Variants in LINGO2 observed in about 807,000 individuals in gnomAD.
The protein encoded by LINGO2 is leucine rich repeat and Ig domain containing 2.
LINGO2 carries 14 observed loss-of-function variants against 30.6 expected under a neutral mutation model. That is an observed-to-expected ratio of 0.46 (90% CI 0.30 to 0.72). The LOEUF (loss-of-function observed/expected upper bound fraction) is 0.72. Among genes scored for constraint, LINGO2 ranks in the 30% least tolerant of loss-of-function variants. The probability of loss-of-function intolerance (pLI) is 0.07; values close to 1 mark genes in which losing one functional copy is unlikely to be tolerated. For synonymous variants in LINGO2, 317 were observed against 288.5 expected (o/e 1.10, Z -1.00); for missense variants, 729 against 751.7 (o/e 0.97, Z 0.35).
At chr9:27,949,844 A>C in exon 6 of LINGO2, 1 of 1,614,114 alleles carries the variant, frequency 6.2e-7, no homozygotes, top group Non-Finnish European at 8.5e-7. Context: ...GGTTAAGGTG[A>C]GTCAGGTATA....
the LINGO2 span, among the ~76,000 whole-genome samples, chr9:28,774,181 A>G: frequency 6.6e-6 from 1 of 152,140 alleles, no homozygotes; most frequent in African/African-American, 2.4e-5. Flanking sequence ...TCAATAATAG[A>G]GCATGAGCTG....
At chr9:27,999,245 G>C (rs147968514) in intron 5 of LINGO2, among the ~76,000 whole-genome samples, 1 of 152,138 alleles carries the variant, frequency 6.6e-6, no homozygotes, top group African/African-American at 2.4e-5. Context: ...GAGAAGCCAA[G>C]AGGGTTTAGG....
intron 4 of LINGO2, among the ~76,000 whole-genome samples, chr9:28,175,722 C>A (rs1828731960): frequency 6.6e-6 from 1 of 152,088 alleles, no homozygotes; most frequent in African/African-American, 2.4e-5. Flanking sequence ...AGGGAAAATA[C>A]TGAGTTAGTG....
chr9:28,343,934 A>G (rs1473523791), intron 3 of LINGO2, among the ~76,000 whole-genome samples: 1 of 152,092 alleles, frequency 6.6e-6, no homozygotes, highest in African/African-American at 2.4e-5. Context: ...GGAATAATTG[A>G]GCCTTTCTTG....
At chr9:28,745,841 A>G in the LINGO2 span, among the ~76,000 whole-genome samples, 3 of 152,046 alleles carry the variant, frequency 2.0e-5, no homozygotes, top group Admixed American at 6.6e-5. Flanking sequence ...ATACTATATC[A>G]TTTCATAGCG....
chr9:28,557,885 C>T (rs1193831910), intron 1 of LINGO2, among the ~76,000 whole-genome samples: 1 of 151,116 alleles, frequency 6.6e-6, no homozygotes, highest in Non-Finnish European at 1.5e-5. Context: ...TCTCAGCAAA[C>T]TATCGCAAGG....
intron 1 of LINGO2, among the ~76,000 whole-genome samples, chr9:28,589,144 T>C (rs57002456): frequency 0.18 from 27,554 of 151,838 alleles, 2,793 homozygotes; most frequent in Admixed American, 0.29. Flanking sequence ...ATTGATGGGT[T>C]GTATCTCAAA....
chr9:28,825,655 T>G, the LINGO2 span, among the ~76,000 whole-genome samples: 1 of 151,998 alleles, frequency 6.6e-6, no homozygotes, highest in African/African-American at 2.4e-5. Flanking sequence ...TTAACCCTCC[T>G]GCAGTAAAAT....
At chr9:28,285,870 C>A (rs551922690) in intron 4 of LINGO2, among the ~76,000 whole-genome samples, 101 of 152,224 alleles carry the variant, frequency 6.6e-4, no homozygotes, top group African/African-American at 2.4e-3. Context: ...AAATTCTACC[C>A]AGTAGTACAT....
At chr9:28,571,866 C>T (rs189610048) in intron 1 of LINGO2, among the ~76,000 whole-genome samples, 9 of 152,156 alleles carry the variant, frequency 5.9e-5, no homozygotes, top group African/African-American at 2.2e-4. Flanking sequence ...CACAGAGGAA[C>T]AGATCGGCAA....
chr9:28,412,349 T>C (rs1374436995), intron 2 of LINGO2, among the ~76,000 whole-genome samples: 1 of 152,100 alleles, frequency 6.6e-6, no homozygotes, highest in Non-Finnish European at 1.5e-5. Context: ...TATGTTCTTT[T>C]AAAATATCTA....
intron 4 of LINGO2, among the ~76,000 whole-genome samples, chr9:28,045,543 TGA>T (rs1212010846): frequency 1.3e-5 from 2 of 152,178 alleles, no homozygotes; most frequent in African/African-American, 2.4e-5. Context: ...AAATGAAGTA[TGA>T]GAGAAAAGAT....
At chr9:28,081,164 C>CTGGCCTCTACCCACTAGATGCAG (rs1334018033) in intron 4 of LINGO2, among the ~76,000 whole-genome samples, 4 of 152,160 alleles carry the variant, frequency 2.6e-5, no homozygotes, top group African/African-American at 9.6e-5. Context: ...AGCAGTATCC[C>CTGGCCTCTACCCACTAGATGCAG]TGGCCTCTAC....
chr9:28,988,549 A>G, the LINGO2 span, among the ~76,000 whole-genome samples: 1 of 152,154 alleles, frequency 6.6e-6, no homozygotes, highest in Non-Finnish European at 1.5e-5. Flanking sequence ...ACTGATATGT[A>G]AGGCTGTAAT....
chr9:28,531,671 A>T (rs996722967), intron 1 of LINGO2, among the ~76,000 whole-genome samples: 23 of 152,166 alleles, frequency 1.5e-4, no homozygotes, highest in African/African-American at 5.5e-4. Context: ...ATACCAGTAC[A>T]ATATATATTT....
At chr9:29,074,076 GTTA>G in the LINGO2 span, among the ~76,000 whole-genome samples, 1 of 152,008 alleles carries the variant, frequency 6.6e-6, no homozygotes. Context: ...ACTTTGTGAA[GTTA>G]TTATTAATCA....
Position 28,605,630 on chromosome 9 carries a change from G to A in LINGO2, c.-365+64570C>T, listed in dbSNP as rs116253551. On this transcript the variant is annotated intron_variant, in intron 1 of 5. Coordinates refer to ENST00000379992, the Ensembl canonical transcript of LINGO2. ...TTTAAGGCAAATAACAATCTCAAGC[G>A]TTTTAGCCTAAGTTAAGCTTCTTCT... Among the ~76,000 whole-genome samples, 629 of 152,110 alleles carry A rather than the reference G, an allele frequency of 4.1e-3. 4 individuals carry two copies. The highest frequency in any genetic ancestry group is 0.015 in the Admixed American group (228 of 15,236).
At chr9:28,510,623 C>T (rs2135359676) in intron 1 of LINGO2, among the ~76,000 whole-genome samples, 1 of 151,724 alleles carries the variant, frequency 6.6e-6, no homozygotes, top group Non-Finnish European at 1.5e-5. Context: ...TGAAAAAATC[C>T]ACATATGAAT....
chr9:28,705,679 C>T, the LINGO2 span, among the ~76,000 whole-genome samples: 11 of 152,150 alleles, frequency 7.2e-5, no homozygotes, highest in African/African-American at 1.2e-4. Context: ...GGAGTTAAAA[C>T]TCACAAAAGT....
Sources: allele counts gnomAD v4.1 joint callset (sites outside exome capture counted in the v4.1 genomes callset), GRCh38; gene constraint gnomAD v4.1.1; transcripts MANE v1.5; gene names NCBI Gene and HGNC (gene_info 2026-07-23, HGNC 2026-07-21).